Variants in MYO5B observed in about 807,000 individuals in gnomAD.
MYO5B encodes unconventional myosin-Vb.
Under a neutral mutation model 229.3 loss-of-function variants are expected in MYO5B, and 143 were observed. The observed-to-expected ratio is 0.62, with a 90% confidence interval of 0.54 to 0.72. The LOEUF (loss-of-function observed/expected upper bound fraction) is 0.72, where lower values mean the gene tolerates loss of function less well. Among genes scored for constraint, MYO5B ranks in the 30% least tolerant of loss-of-function variants. The pLI is 0.00. For synonymous variants in MYO5B, 918 were observed against 885.2 expected, an observed-to-expected ratio of 1.04 and a Z score of -0.66; for missense variants, 2,321 against 2,331.0, an observed-to-expected ratio of 1.00 and a Z score of 0.09.
At chr18:49,908,046 A>C (rs2024919205) in intron 18 of MYO5B, among the ~76,000 whole-genome samples, 1 of 152,194 alleles carries the variant, frequency 6.6e-6, no homozygotes, top group Non-Finnish European at 1.5e-5. Context: ...TAAGCCCCTG[A>C]GTCAGGGAAC....
In MYO5B at chr18:49,993,974, C is replaced by T. The variant is rs548199304; in HGVS notation, c.613-1543G>A. Among the ~76,000 whole-genome samples, 8 of 152,266 alleles carry T rather than the reference C, an allele frequency of 5.3e-5. No homozygotes were observed. The South Asian group carries it at 1.5e-3, about 28-fold the overall frequency. ...CCCTTGGTCCCGGCTTCTAACAATC[C>T]TAACTCCCTTTTTCTTTCTCCAAAG... On this transcript the variant is annotated intron_variant, in intron 5 of 39. Coordinates refer to ENST00000285039, the MANE Select transcript of MYO5B (RefSeq NM_001080467.3).
chr18:50,041,053 G>A (rs1383846595), intron 2 of MYO5B, among the ~76,000 whole-genome samples: 3 of 152,148 alleles, frequency 2.0e-5, no homozygotes, highest in East Asian at 3.8e-4. Context: ...AGGTAGTGGG[G>A]ATGTTTTTAA....
At chr18:50,106,179 G>A (rs763091623) in intron 1 of MYO5B, among the ~76,000 whole-genome samples, 20 of 151,818 alleles carry the variant, frequency 1.3e-4, no homozygotes, top group South Asian at 4.2e-4. Context: ...CAGATCTCCC[G>A]ATTCTCTCCC....
chr18:50,128,409 G>T (rs1372056204), intron 1 of MYO5B, among the ~76,000 whole-genome samples: 1 of 152,182 alleles, frequency 6.6e-6, no homozygotes, highest in African/African-American at 2.4e-5. Context: ...ACAGGTAGAT[G>T]GGGTGCCTGT....
intron 1 of MYO5B, among the ~76,000 whole-genome samples, chr18:50,099,646 C>G (rs2031617131): frequency 6.6e-6 from 1 of 152,196 alleles, no homozygotes; most frequent in African/African-American, 2.4e-5. Flanking sequence ...TTTGGGCCCC[C>G]AGGAAACATA....
intron 1 of MYO5B, among the ~76,000 whole-genome samples, chr18:50,137,848 C>T (rs114338068): frequency 0.021 from 1,634 of 78,472 alleles, 38 homozygotes; most frequent in African/African-American, 0.07. Context: ...TGAAGCTGGA[C>T]GCCATTATCC....
chr18:50,043,405 A>AAT (rs2030102626), intron 2 of MYO5B, among the ~76,000 whole-genome samples: 1 of 49,624 alleles, frequency 2.0e-5, no homozygotes, highest in Non-Finnish European at 4.2e-5. Context: ...AAATATATTA[A>AAT]ATATTAAATA....
chr18:50,026,995 C>T (rs1006841800), intron 4 of MYO5B, among the ~76,000 whole-genome samples: 1 of 152,172 alleles, frequency 6.6e-6, no homozygotes, highest in Non-Finnish European at 1.5e-5. Context: ...CCAGCATGTT[C>T]CTTTGCTGCA....
chr18:50,032,166 TG>T (rs1211552237), intron 4 of MYO5B, among the ~76,000 whole-genome samples: 2 of 152,232 alleles, frequency 1.3e-5, no homozygotes, highest in Admixed American at 1.3e-4. Flanking sequence ...TACAGTCTCC[TG>T]GCCATGTCTT....
intron 1 of MYO5B, among the ~76,000 whole-genome samples, chr18:50,085,066 G>A (rs908854347): frequency 3.2e-4 from 48 of 152,294 alleles, no homozygotes; most frequent in African/African-American, 1.2e-3. Flanking sequence ...TGACAAATGG[G>A]ATCTAATTAA....
intron 4 of MYO5B, among the ~76,000 whole-genome samples, chr18:50,022,898 A>C (rs2026292231): frequency 1.3e-5 from 2 of 152,142 alleles, no homozygotes; most frequent in African/African-American, 4.8e-5. Context: ...CTAAGGAAGA[A>C]GCCCAGCCTA....
chr18:50,080,818 G>A (rs899273260), intron 1 of MYO5B, among the ~76,000 whole-genome samples: 2 of 152,144 alleles, frequency 1.3e-5, no homozygotes, highest in African/African-American at 4.8e-5. Flanking sequence ...CAGGGGCACG[G>A]CCCTTCCATC....
chr18:50,109,096 G>A (rs7235513), intron 1 of MYO5B, among the ~76,000 whole-genome samples: 36,532 of 152,010 alleles, frequency 0.24, 5,370 homozygotes, highest in African/African-American at 0.42. Flanking sequence ...CTATCTTCCC[G>A]TCCCACCACT....
chr18:50,149,543 C>T (rs1227573152), intron 1 of MYO5B, among the ~76,000 whole-genome samples: 7 of 151,336 alleles, frequency 4.6e-5, no homozygotes, highest in South Asian at 2.1e-4. Flanking sequence ...TATCTACAAC[C>T]ATCTGATCTT....
chr18:50,128,824 G>A (rs949181), intron 1 of MYO5B, among the ~76,000 whole-genome samples: 151,484 of 152,326 alleles, frequency 0.99, 75,329 homozygotes, highest in Middle Eastern at 1. Flanking sequence ...AAAGAACATT[G>A]GAGGAGGAAG....
Position 49,967,854 on chromosome 18 carries a change from C to T in MYO5B, c.1323-4824G>A, listed in dbSNP as rs74874896. On this transcript the variant is annotated intron_variant, in intron 10 of 39. Coordinates refer to ENST00000285039, the MANE Select transcript of MYO5B (RefSeq NM_001080467.3). ...CTTCTCTGTGCCTAGATGCCCCCAC[C>T]CAGGACTAGTTTTTTTAGACAGAAC... is the stretch of plus-strand genomic sequence containing the variant. Among the ~76,000 whole-genome samples the T allele has an allele frequency of 6.0e-3, 916 of 152,208 alleles. 6 individuals are homozygous for T. Among genetic ancestry groups the T allele is most frequent in the African/African-American group, 0.019 (783 of 41,522 alleles).
chr18:50,001,678 G>A (rs1377713093), intron 4 of MYO5B, among the ~76,000 whole-genome samples: 1 of 152,106 alleles, frequency 6.6e-6, no homozygotes, highest in Non-Finnish European at 1.5e-5. Flanking sequence ...CCACTCTCCC[G>A]AGTTCCCACT....
chr18:49,906,233 C>T (rs1017574479), intron 19 of MYO5B, among the ~76,000 whole-genome samples, 186 bp downstream of exon 19: 1 of 152,114 alleles, frequency 6.6e-6, no homozygotes, highest in Non-Finnish European at 1.5e-5. Flanking sequence ...AGACCTACCC[C>T]CTGAGGTGAG....
At chr18:50,073,180 G>A (rs539705237) in intron 1 of MYO5B, among the ~76,000 whole-genome samples, 1 of 152,078 alleles carries the variant, frequency 6.6e-6, no homozygotes, top group Non-Finnish European at 1.5e-5. Flanking sequence ...GCTATTCTTG[G>A]TACCTACTAC....
Sources: allele counts gnomAD v4.1 joint callset (sites outside exome capture counted in the v4.1 genomes callset), GRCh38; gene constraint gnomAD v4.1.1; transcripts MANE v1.5; gene names NCBI Gene and HGNC (gene_info 2026-07-23, HGNC 2026-07-21).